The following C22orf42 variants were observed in gnomAD, a reference collection of about 807,000 sequenced individuals.
The protein encoded by C22orf42 is uncharacterized protein C22orf42.
A neutral mutation model predicts 31.4 loss-of-function variants in C22orf42; 24 were observed. The ratio of observed to expected loss-of-function variants is 0.77; its 90% CI spans 0.55 to 1.08. The LOEUF is 1.08. Among genes scored for constraint, C22orf42 ranks in the 50% least tolerant of loss-of-function variants. The pLI is 0.00. For synonymous variants in C22orf42, 96 were observed against 112.7 expected (o/e 0.85, Z 0.94); for missense variants, 276 against 327.3 (o/e 0.84, Z 1.21).
Position 32,152,094 on chromosome 22 carries a change from C to T in C22orf42, c.373G>A (p.Glu125Lys), listed in dbSNP as rs1253392456. The change falls in exon 4 of 9, where the codon GAA (glutamate) becomes AAA (lysine). Residue 125 changes from glutamate to lysine, a missense_variant and splice_region_variant. Transcript: ENST00000382097. ...GVEENMTSDI[E>K]IPEAKHDHRP... ...TGGTCGTGCTTGGCCTCAGGTATTT[C>T]CTGCAATAAGAGAAAAGAAAAAGAA... 1.2e-6 allele frequency: 2 copies of T among 1,605,016 alleles called. No individual in the cohort carries two copies. Among genetic ancestry groups the T allele is most frequent in the Non-Finnish European group, 1.7e-6 (2 of 1,177,784 alleles).
rs767204242 is a variant in C22orf42, at chr22:32,154,315, A to C, written c.236T>G (p.Leu79Trp). The change falls in exon 2 of 9, where the codon TTG (leucine) becomes TGG (tryptophan). Residue 79 changes from leucine to tryptophan, a missense_variant. Coordinates refer to ENST00000382097, the MANE Select transcript of C22orf42 (RefSeq NM_001010859.3). Reference protein sequence around the residue: ...TPKMLKMSKGLDARSKRWLKI... With the variant: ...TPKMLKMSKGWDARSKRWLKI... ...TAACCAGCGCTTGGAGCGGGCGTCC[A>C]AACCTGCAAGGTAGAGCAGACTTCT... The C allele has an allele frequency of 6.2e-6, 10 of 1,612,706 alleles. No homozygotes were observed. The Admixed American group carries it at 1.7e-4, about 27-fold the overall frequency.
intron 1 of C22orf42, among the ~76,000 whole-genome samples, chr22:32,154,898 G>A (rs1317818643): frequency 6.6e-6 from 1 of 152,220 alleles, no homozygotes; most frequent in Non-Finnish European, 1.5e-5. Flanking sequence ...GGGCAGGGGA[G>A]GGTGGAAGGT....
chr22:32,156,051 A>G (rs868090032), intron 1 of C22orf42, among the ~76,000 whole-genome samples: 3 of 152,194 alleles, frequency 2.0e-5, no homozygotes, highest in Non-Finnish European at 2.9e-5. Flanking sequence ...AAGAAAAAGC[A>G]TTACTGAGTT....
chr22:32,150,274 A>G, intron 7 of C22orf42, 45 bp downstream of exon 7: 1 of 1,574,404 alleles, frequency 6.4e-7, no homozygotes, highest in Non-Finnish European at 8.7e-7. Flanking sequence ...AGGCAAGAGG[A>G]CCCAGAAAAA....
At chr22:32,154,408 G>T (rs1420031046) in intron 1 of C22orf42, 90 bp from the exon 2 acceptor site, 3 of 1,382,100 alleles carry the variant, frequency 2.2e-6, no homozygotes, top group Non-Finnish European at 2.9e-6. Context: ...GGATAGCAGA[G>T]AAATTAGTAA....
rs112170626 is a variant in C22orf42 at position 32,151,612 on chromosome 22, C to T, written c.401-61G>A. On this transcript the variant is annotated intron_variant, in intron 4 of 8. Coordinates refer to ENST00000382097, the MANE Select transcript of C22orf42 (RefSeq NM_001010859.3). ...GCTGCTGAGGAATCCCACAAGGAGC[C>T]CTGGGGGATGTGGACCGGGGCTGGA... 2.8e-3 allele frequency: 4,272 copies of T among 1,553,274 alleles called. 97 individuals are homozygous for T. The African/African-American group carries it at 0.05, about 18-fold the overall frequency.
chr22:32,157,116 CTATT>C (rs1921303732), intron 1 of C22orf42, among the ~76,000 whole-genome samples: 1 of 152,008 alleles, frequency 6.6e-6, no homozygotes, highest in Non-Finnish European at 1.5e-5. Context: ...TGTGACTTCT[CTATT>C]TATCACTTTA....
chr22:32,151,456 T>C (rs1173506579), intron 5 of C22orf42, 31 bp downstream of exon 5: 9 of 1,605,614 alleles, frequency 5.6e-6, no homozygotes, highest in Non-Finnish European at 7.7e-6. Context: ...ACAAAAAGCA[T>C]TTCTCTTCCA....
At chr22:32,150,949 G>A in intron 6 of C22orf42, 43 bp downstream of exon 6, 1 of 1,577,476 alleles carries the variant, frequency 6.3e-7, no homozygotes, top group Non-Finnish European at 8.7e-7. Context: ...TGTTTTGCAT[G>A]TCAACTACAC....
Position 32,149,332 on chromosome 22 carries a change from A to C in C22orf42, c.*208T>G. On this transcript the variant is annotated 3_prime_UTR_variant, in exon 9 of 9. Transcript: ENST00000382097. ...CGGGTGTTCTTCTGCATGGTGACTG[A>C]GAATGTGAGCCTCAGAATGAAATGT... 1 of 454,314 alleles carries C rather than the reference A, an allele frequency of 2.2e-6. No homozygotes were observed. The highest frequency in any genetic ancestry group is 6.6e-5 in the South Asian group (1 of 15,104). The allele number at this position is 454,314 out of a possible 1,614,324, so 28.1% of individuals were successfully genotyped here. A position where few individuals can be genotyped will look rare whatever the true frequency, so the allele number is the denominator to read the frequency against.
rs200965469 is a variant in C22orf42, at chr22:32,150,326, G to C, written c.647C>G (p.Pro216Arg). 1 of 1,612,472 alleles carries C rather than the reference G, an allele frequency of 6.2e-7. No individual in the cohort carries two copies. The highest frequency in any genetic ancestry group is 1.3e-5 in the African/African-American group (1 of 74,968). The change falls in exon 7 of 9, where the codon CCG becomes CGG. Residue 216 changes from proline (P) to arginine (R), a missense_variant. Coordinates refer to ENST00000382097, the MANE Select transcript of C22orf42 (RefSeq NM_001010859.3). ...CAAAGAAATGCATCTTACCATCTCC[G>C]GTGTCATGAGGTCTTCAAGAGAGAC... ...LSVSLEDLMT[P>R]EMAKERYEDY...
chr22:32,158,147 G>C (rs1157638668), intron 1 of C22orf42, among the ~76,000 whole-genome samples: 1 of 152,192 alleles, frequency 6.6e-6, no homozygotes, highest in Non-Finnish European at 1.5e-5. Flanking sequence ...TGTCTTACAA[G>C]TGTTAGTTTT....
chr22:32,159,913 C>A (rs1921499375), upstream of C22orf42: 1 of 152,242 alleles, frequency 6.6e-6, no homozygotes, highest in South Asian at 2.1e-4. Context: ...ACTCTCTTTT[C>A]TCCCTCTGTT....
intron 6 of C22orf42, 184 bp from the exon 7 acceptor site, chr22:32,150,663 A>G: frequency 1.5e-6 from 1 of 651,886 alleles, no homozygotes; most frequent in South Asian, 2.0e-5. Context: ...GAAAGAAATG[A>G]AAGAGCCTTG....
intron 7 of C22orf42, chr22:32,150,014 T>C (rs2094109805): frequency 4.2e-6 from 2 of 479,768 alleles, no homozygotes; most frequent in Non-Finnish European, 7.5e-6. Flanking sequence ...GAAGAAAAAG[T>C]TGCTACTGAG....
intron 3 of C22orf42, among the ~76,000 whole-genome samples, 192 bp downstream of exon 3, chr22:32,152,370 A>G (rs1921009906): frequency 6.6e-6 from 1 of 152,218 alleles, no homozygotes; most frequent in Non-Finnish European, 1.5e-5. Context: ...ACAGTTTGTA[A>G]GTGATGCCGT....
At position 32,149,786 on chromosome 22, in the gene C22orf42, A is replaced by G. The variant is rs749597989; in HGVS notation, c.655-6T>C. The G allele has an allele frequency of 1.1e-5, 17 of 1,492,814 alleles. No individual in the cohort carries two copies. Among genetic ancestry groups the G allele is most frequent in the Non-Finnish European group, 1.2e-5 (14 of 1,120,988 alleles). 92.5% of individuals were successfully genotyped at this position (1,492,814 alleles called of 1,614,324 possible). On this transcript the variant is annotated splice_polypyrimidine_tract_variant and splice_region_variant and intron_variant, in intron 7 of 8. Coordinates refer to ENST00000382097, the MANE Select transcript of C22orf42 (RefSeq NM_001010859.3). ...TCTTCATATCTCTCCTTTGCCTGCA[A>G]TAGGAGAAAGGAAAACGCCATGAGG...
chr22:32,149,336 T>C lies in C22orf42; in HGVS notation c.*204A>G, dbSNP rs2094107878. ...TGTTCTTCTGCATGGTGACTGAGAA[T>C]GTGAGCCTCAGAATGAAATGTAAGA... On this transcript the variant is annotated 3_prime_UTR_variant, in exon 9 of 9. Transcript: ENST00000382097. 1 of 474,382 alleles carries C rather than the reference T, an allele frequency of 2.1e-6. No homozygotes were observed. The highest frequency in any genetic ancestry group is 3.2e-6 in the Non-Finnish European group (1 of 310,834). The allele number at this position is 474,382 out of a possible 1,614,324, so 29.4% of individuals were successfully genotyped here. A position where few individuals can be genotyped will look rare whatever the true frequency, so the allele number is the denominator to read the frequency against.
chr22:32,149,775 C>T lies in C22orf42; in HGVS notation c.660G>A (p.Lys220=), dbSNP rs45494991. ...TACAGAGGTAATCTTCATATCTCTC[C>T]TTTGCCTGCAATAGGAGAAAGGAAA... ...LEDLMTPEMA[K]ERYEDYLCWV... Residue 220 remains lysine, a synonymous_variant, in exon 8 of 9, where the codon AAG becomes AAA. Coordinates refer to ENST00000382097, the MANE Select transcript of C22orf42 (RefSeq NM_001010859.3). 92,215 of 1,479,090 alleles carry T rather than the reference C, an allele frequency of 0.062. 3,439 individuals carry two copies. The highest frequency in any genetic ancestry group is 0.072 in the Non-Finnish European group (80,178 of 1,110,824). 91.6% of individuals were successfully genotyped at this position (1,479,090 alleles called of 1,614,324 possible).
Sources: allele counts gnomAD v4.1 joint callset (sites outside exome capture counted in the v4.1 genomes callset), GRCh38; gene constraint gnomAD v4.1.1; transcripts MANE v1.5; gene names NCBI Gene and HGNC (gene_info 2026-07-23, HGNC 2026-07-21).